SPATA17: variants seen among roughly 807,000 people sequenced by gnomAD.
SPATA17 encodes the protein spermatogenesis-associated protein 17.
Under a neutral mutation model 62.2 loss-of-function variants are expected in SPATA17, and 53 were observed. The observed-to-expected ratio is 0.85, with a 90% confidence interval of 0.68 to 1.07. The LOEUF (loss-of-function observed/expected upper bound fraction) is 1.07. SPATA17 is among the 50% of genes least tolerant of loss of function. The pLI is 0.00. For missense variants in SPATA17, 466 were observed against 425.5 expected (o/e 1.10, Z -0.84); for synonymous variants, 146 against 146.8 (o/e 0.99, Z 0.04).
intron 3 of SPATA17, among the ~76,000 whole-genome samples, chr1:217,665,859 C>A (rs77006457): frequency 0.14 from 20,881 of 152,110 alleles, 1,518 homozygotes; most frequent in Non-Finnish European, 0.16. Flanking sequence ...CAGAAGCTTT[C>A]TAAAAATTGA....
At chr1:217,698,028 G>T (rs1377838816) in intron 5 of SPATA17, among the ~76,000 whole-genome samples, 2 of 152,044 alleles carry the variant, frequency 1.3e-5, no homozygotes, top group African/African-American at 2.4e-5. Flanking sequence ...AGGAGTGGTG[G>T]CTCACGCCTG....
intron 8 of SPATA17, chr1:217,784,976 G>A (rs1397105061): frequency 6.6e-6 from 1 of 152,126 alleles, no homozygotes; most frequent in East Asian, 1.9e-4. Flanking sequence ...TCACAATTTT[G>A]GAGGCTAGAA....
chr1:217,749,985 C>CTCTCTCTCTCTCTA, intron 6 of SPATA17, among the ~76,000 whole-genome samples: 5 of 12,316 alleles, frequency 4.1e-4, no homozygotes, highest in Non-Finnish European at 6.3e-4. Flanking sequence ...CTCTCTCTCT[C>CTCTCTCTCTCTCTA]TATATATATA....
At chr1:217,856,053 A>G (rs1024997546) in intron 9 of SPATA17, among the ~76,000 whole-genome samples, 1 of 152,122 alleles carries the variant, frequency 6.6e-6, no homozygotes, top group Admixed American at 6.6e-5. Context: ...GAAGGAAGAT[A>G]CAGTATATAA....
chr1:217,798,101 G>T (rs72728865), intron 8 of SPATA17, among the ~76,000 whole-genome samples: 2 of 152,082 alleles, frequency 1.3e-5, no homozygotes, highest in African/African-American at 4.8e-5. Flanking sequence ...AGAACAAAAA[G>T]CAATTGACAT....
chr1:217,732,413 G>T lies in SPATA17; in HGVS notation c.396-9562G>T, dbSNP rs140050258. Among the ~76,000 whole-genome samples, 199 of 152,214 alleles carry T rather than the reference G, an allele frequency of 1.3e-3. 1 individual carries two copies. Among genetic ancestry groups the T allele is most frequent in the African/African-American group, 4.3e-3 (177 of 41,552 alleles). ...AGCAATTATTTTTGCTTTAAAGTGA[G>T]GTTAACACATTTTAAATGAGAGACA... On this transcript the variant is annotated intron_variant, in intron 5 of 10. Coordinates refer to ENST00000366933, the MANE Select transcript of SPATA17 (RefSeq NM_138796.4).
chr1:217,635,188 A>G (rs776069339), intron 1 of SPATA17, among the ~76,000 whole-genome samples: 1 of 152,214 alleles, frequency 6.6e-6, no homozygotes, highest in Non-Finnish European at 1.5e-5. Flanking sequence ...TGAACCCAAA[A>G]TATCTGAGAC....
intron 6 of SPATA17, among the ~76,000 whole-genome samples, chr1:217,762,049 C>T (rs2102963719): frequency 6.6e-6 from 1 of 152,214 alleles, no homozygotes; most frequent in East Asian, 1.9e-4. Flanking sequence ...TGGTCTTCTC[C>T]CTTGTGTCCT....
chr1:217,646,253 A>G (rs1168128488), intron 1 of SPATA17, among the ~76,000 whole-genome samples: 1 of 152,142 alleles, frequency 6.6e-6, no homozygotes, highest in Non-Finnish European at 1.5e-5. Context: ...ACATCCCTAA[A>G]GTTTTGTGAG....
intron 7 of SPATA17, among the ~76,000 whole-genome samples, chr1:217,776,484 A>T (rs1328572583): frequency 6.6e-6 from 1 of 152,102 alleles, no homozygotes; most frequent in Non-Finnish European, 1.5e-5. Context: ...TGGGTTTGCC[A>T]TTCTAGGTAC....
chr1:217,861,917 G>A (rs536411298), intron 9 of SPATA17, among the ~76,000 whole-genome samples: 2 of 152,122 alleles, frequency 1.3e-5, no homozygotes, highest in African/African-American at 4.8e-5. Context: ...AGGCTTTGCT[G>A]TACCAGAGTG....
At position 217,871,035 on chromosome 1, in the gene SPATA17, T is replaced by TA. The variant is rs1676119034; in HGVS notation, c.*4017dup. 6.7e-6 allele frequency: 1 copy of TA among 149,128 alleles called. No homozygotes were observed. The highest frequency in any genetic ancestry group is 2.1e-4 in the South Asian group (1 of 4,810). 9.2% of individuals were successfully genotyped at this position (149,128 alleles called of 1,614,324 possible). A position where few individuals can be genotyped will look rare whatever the true frequency, so the allele number is the denominator to read the frequency against. On this transcript the variant is annotated 3_prime_UTR_variant, in exon 11 of 11. Transcript: ENST00000366933. ...TTTGAATGCGTGCATTGTGGCCTGT[T>TA]ACTTTTAACTAGTCTCACTAATTTA...
intron 5 of SPATA17, among the ~76,000 whole-genome samples, chr1:217,684,187 G>A (rs1013919752): frequency 1.1e-4 from 17 of 152,080 alleles, no homozygotes; most frequent in African/African-American, 3.4e-4. Flanking sequence ...TAAAGGCATC[G>A]TAATATTACT....
chr1:217,793,667 C>T (rs978991977), intron 8 of SPATA17, among the ~76,000 whole-genome samples: 1 of 152,170 alleles, frequency 6.6e-6, no homozygotes, highest in East Asian at 1.9e-4. Context: ...ATGCACAGTT[C>T]TGGTTAAGAG....
chr1:217,719,840 T>C (rs750243782), intron 5 of SPATA17, among the ~76,000 whole-genome samples: 4 of 152,218 alleles, frequency 2.6e-5, no homozygotes, highest in Non-Finnish European at 5.9e-5. Flanking sequence ...GGAGAGGATG[T>C]GGCTGCAGCC....
At chr1:217,824,107 T>A (rs1008589362) in intron 9 of SPATA17, among the ~76,000 whole-genome samples, 1 of 151,986 alleles carries the variant, frequency 6.6e-6, no homozygotes, top group African/African-American at 2.4e-5. Context: ...ATTTAATCCA[T>A]TTACAGTCAA....
At position 217,869,516 on chromosome 1, in the gene SPATA17, GAT is replaced by G. The variant is rs1326006352; in HGVS notation, c.*2499_*2500del. On this transcript the variant is annotated 3_prime_UTR_variant, in exon 11 of 11. Transcript: ENST00000366933. ...CAGAATGTAGATTTTCCCCATAAGA[GAT>G]AGCTTCGCAGGGCCATTGCAAAATA... 6.6e-6 allele frequency: 1 copy of G among 152,122 alleles called. No homozygotes were observed. The highest frequency in any genetic ancestry group is 2.4e-5 in the African/African-American group (1 of 41,426). 9.4% of individuals were successfully genotyped at this position (152,122 alleles called of 1,614,324 possible).
chr1:217,777,615 C>T (rs575659390), intron 7 of SPATA17, among the ~76,000 whole-genome samples: 11 of 152,120 alleles, frequency 7.2e-5, no homozygotes, highest in Admixed American at 5.2e-4. Flanking sequence ...TTGGCCAGGC[C>T]GGTCTCCAAC....
chr1:217,838,188 C>A (rs1675305134), intron 9 of SPATA17, among the ~76,000 whole-genome samples: 3 of 151,838 alleles, frequency 2.0e-5, no homozygotes. Context: ...CATTTGCGGC[C>A]CACATAGTAT....
Sources: gnomAD v4.1 joint callset for allele counts (sites outside exome capture counted in the v4.1 genomes callset) on GRCh38, gnomAD v4.1.1 for gene constraint, MANE v1.5 for transcripts, NCBI Gene and HGNC (gene_info 2026-07-23, HGNC 2026-07-21) for gene names.